The following OTUD7B variants were observed in gnomAD, a reference collection of about 807,000 sequenced individuals.
The protein encoded by OTUD7B is OTU deubiquitinase 7B, also known as OTU domain-containing protein 7B.
OTUD7B carries 34 observed loss-of-function variants against 82.2 expected under a neutral mutation model. The ratio of observed to expected loss-of-function variants is 0.41; its 90% CI spans 0.31 to 0.55. The LOEUF (loss-of-function observed/expected upper bound fraction) is 0.55, where lower values mean the gene tolerates loss of function less well. Among genes scored for constraint, OTUD7B ranks in the 20% least tolerant of loss-of-function variants. The probability of loss-of-function intolerance (pLI) is 0.20; values close to 1 mark genes in which losing one functional copy is unlikely to be tolerated. For synonymous variants in OTUD7B, 398 were observed against 402.7 expected, an observed-to-expected ratio of 0.99 and a Z score of 0.14; for missense variants, 944 against 1,062.1, an observed-to-expected ratio of 0.89 and a Z score of 1.55.
intron 1 of OTUD7B, among the ~76,000 whole-genome samples, chr1:149,981,082 G>GGAA (rs1415378335): frequency 6.7e-6 from 1 of 150,282 alleles, no homozygotes; most frequent in Non-Finnish European, 1.5e-5. Flanking sequence ...TCAGGGAGGA[G>GGAA]GAGGAGGAGG....
At chr1:149,996,509 T>C (rs1553783461) in intron 1 of OTUD7B, among the ~76,000 whole-genome samples, 1 of 152,264 alleles carries the variant, frequency 6.6e-6, no homozygotes, top group African/African-American at 2.4e-5. Context: ...GTTAGAGCTA[T>C]ATCTAAATCC....
At chr1:150,027,033 T>C in the OTUD7B span, among the ~76,000 whole-genome samples, 1 of 152,202 alleles carries the variant, frequency 6.6e-6, no homozygotes, top group Admixed American at 6.5e-5. Context: ...TGTGATGTGT[T>C]CCTGCTAAAT....
At chr1:149,966,366 G>A (rs1024563416) in intron 4 of OTUD7B, among the ~76,000 whole-genome samples, 1 of 152,164 alleles carries the variant, frequency 6.6e-6, no homozygotes, top group Non-Finnish European at 1.5e-5. Context: ...AGACCAGTAT[G>A]TATCACAGCA....
At chr1:150,028,647 G>A in the OTUD7B span, among the ~76,000 whole-genome samples, 1 of 152,000 alleles carries the variant, frequency 6.6e-6, no homozygotes, top group Admixed American at 6.6e-5. Flanking sequence ...TCTACTTTCT[G>A]TCTCTATATT....
chr1:149,997,111 G>C (rs1559863542), intron 1 of OTUD7B, among the ~76,000 whole-genome samples: 2 of 152,176 alleles, frequency 1.3e-5, no homozygotes, highest in Non-Finnish European at 2.9e-5. Context: ...AACAGTGCCA[G>C]TCCCTTACGG....
At chr1:149,967,982 A>C (rs1482917946) in intron 3 of OTUD7B, among the ~76,000 whole-genome samples, 3 of 152,156 alleles carry the variant, frequency 2.0e-5, no homozygotes, top group African/African-American at 7.2e-5. Flanking sequence ...CATTCTAGAA[A>C]GATTATAAAA....
chr1:149,949,688 T>G lies in OTUD7B; in HGVS notation c.1064A>C (p.Asp355Ala), dbSNP rs782421208. The G allele has an allele frequency of 6.2e-7, 1 of 1,614,016 alleles. No individual in the cohort carries two copies. The highest frequency in any genetic ancestry group is 1.3e-5 in the African/African-American group (1 of 74,906). Residue 355 changes from aspartate to alanine, a missense_variant, in exon 9 of 12, where the codon GAT (aspartate) becomes GCT (alanine). By Grantham distance (126) the Asp-to-Ala change is moderately radical (BLOSUM62 -2). This residue lies in a region of OTUD7B where 530 missense variants were observed against 625.6 expected (regional missense o/e 0.85). Coordinates refer to ENST00000581312, the MANE Select transcript of OTUD7B (RefSeq NM_020205.4). ...CACGAGTGCAGAAAAGTGGGCCTGA[T>G]CATAGGCGAGCACCAGAGGGGAGCG... ...CHRSPLVLAY[D>A]QAHFSALVSM... is the part of the protein sequence containing the mutation.
the OTUD7B span, among the ~76,000 whole-genome samples, chr1:150,063,457 A>G: frequency 1.1e-4 from 16 of 152,312 alleles, no homozygotes; most frequent in South Asian, 3.3e-3. Flanking sequence ...CAAAGAAAAA[A>G]AAAGAAATGT....
intron 1 of OTUD7B, among the ~76,000 whole-genome samples, chr1:149,980,237 A>G (rs1490788428): frequency 6.6e-6 from 1 of 150,492 alleles, no homozygotes; most frequent in Non-Finnish European, 1.5e-5. Flanking sequence ...CTTGCTCTTT[A>G]GCAAAAATTT....
chr1:150,024,281 A>G, the OTUD7B span, among the ~76,000 whole-genome samples: 15 of 152,218 alleles, frequency 9.9e-5, no homozygotes, highest in Admixed American at 9.2e-4. Flanking sequence ...AGACCAGGGC[A>G]TATAATAATG....
the OTUD7B span, among the ~76,000 whole-genome samples, chr1:150,037,358 A>G: frequency 2.6e-5 from 4 of 152,106 alleles, no homozygotes; most frequent in Non-Finnish European, 2.9e-5. Flanking sequence ...AAACCCCACT[A>G]AAATGGCAGT....
intron 4 of OTUD7B, among the ~76,000 whole-genome samples, chr1:149,967,046 G>A (rs587636116): frequency 2.0e-5 from 3 of 152,206 alleles, no homozygotes; most frequent in South Asian, 2.1e-4. Context: ...TATTGATTTC[G>A]AGGTATTGAT....
At chr1:149,960,427 C>G (rs587634663) in intron 6 of OTUD7B, among the ~76,000 whole-genome samples, 3 of 107,884 alleles carry the variant, frequency 2.8e-5, no homozygotes, top group Non-Finnish European at 5.3e-5. Flanking sequence ...CAGAGTCACC[C>G]AGGCTGGAGT....
the OTUD7B span, among the ~76,000 whole-genome samples, chr1:150,017,606 G>A: frequency 8.5e-5 from 13 of 152,276 alleles, no homozygotes; most frequent in Admixed American, 8.5e-4. Flanking sequence ...CTTTAGCTCA[G>A]GCAATGAGGA....
chr1:150,012,944 A>T (rs782099411), upstream of OTUD7B, among the ~76,000 whole-genome samples: 1 of 151,854 alleles, frequency 6.6e-6, no homozygotes, highest in South Asian at 2.1e-4. Flanking sequence ...CCATTAAGTG[A>T]CTCCCTTCCC....
At chr1:150,016,220 A>G in the OTUD7B span, among the ~76,000 whole-genome samples, 1 of 152,184 alleles carries the variant, frequency 6.6e-6, no homozygotes, top group African/African-American at 2.4e-5. Flanking sequence ...CCCAACGAGT[A>G]AAATGTCATC....
chr1:149,990,775 C>T, intron 1 of OTUD7B, among the ~76,000 whole-genome samples: 1 of 152,132 alleles, frequency 6.6e-6, no homozygotes, highest in East Asian at 1.9e-4. Context: ...GCAGGTGGAT[C>T]ACCTGAGGTC....
chr1:150,034,447 T>TCA, the OTUD7B span, among the ~76,000 whole-genome samples: 37 of 152,308 alleles, frequency 2.4e-4, no homozygotes, highest in African/African-American at 8.7e-4. Context: ...CCTATAGATA[T>TCA]CACACACACA....
chr1:150,029,510 T>C, the OTUD7B span, among the ~76,000 whole-genome samples: 1 of 152,208 alleles, frequency 6.6e-6, no homozygotes, highest in Non-Finnish European at 1.5e-5. Flanking sequence ...TGCTTTAGAT[T>C]TCTAGAAGCA....
Sources: gnomAD v4.1 joint callset for allele counts (sites outside exome capture counted in the v4.1 genomes callset) on GRCh38, gnomAD v4.1.1 for gene constraint, gnomAD v4.1.1 regional missense constraint, MANE v1.5 for transcripts, NCBI Gene and HGNC (gene_info 2026-07-23, HGNC 2026-07-21) for gene names.